The following GSAP variants were observed in gnomAD, a reference collection of about 807,000 sequenced individuals.
GSAP encodes the protein gamma-secretase-activating protein.
In GSAP, 118 loss-of-function variants were observed where a neutral mutation model predicts 131.7. That is an observed-to-expected ratio of 0.90 (90% confidence interval 0.77 to 1.04). The LOEUF is 1.04. Among genes scored for constraint, GSAP ranks in the 50% least tolerant of loss-of-function variants. GSAP has a pLI of 0.00. For missense variants in GSAP, 1,019 were observed against 1,013.2 expected, an observed-to-expected ratio of 1.01 and a Z score of -0.08; for synonymous variants, 381 against 363.4, an observed-to-expected ratio of 1.05 and a Z score of -0.55.
chr7:77,342,611 C>G lies in GSAP; in HGVS notation c.1545+6740G>C, dbSNP rs549007267. Among the ~76,000 whole-genome samples the G allele has an allele frequency of 1.9e-4, 29 of 152,260 alleles. No homozygotes were observed. The South Asian group carries it at 4.1e-3, about 22-fold the overall frequency. ...CAAGTATAGGACATCTCTACTCCCC[C>G]CTTGGCGACCAATCATGCACCCCTT... On this transcript the variant is annotated intron_variant, in intron 19 of 30. Coordinates refer to ENST00000257626, the MANE Select transcript of GSAP (RefSeq NM_017439.4).
At chr7:77,320,025 C>CACGTT (rs75081002) in intron 26 of GSAP, among the ~76,000 whole-genome samples, 40 of 151,536 alleles carry the variant, frequency 2.6e-4, no homozygotes, top group African/African-American at 9.7e-4. Flanking sequence ...GGGTAGGTCT[C>CACGTT]AAGTGTTCTT....
chr7:77,322,210 T>C (rs939125152), intron 24 of GSAP, among the ~76,000 whole-genome samples: 2 of 152,222 alleles, frequency 1.3e-5, no homozygotes, highest in Non-Finnish European at 2.9e-5. Context: ...TAAGTTAACA[T>C]GTAACCAATA....
intron 24 of GSAP, among the ~76,000 whole-genome samples, chr7:77,321,623 G>T (rs924016473): frequency 6.6e-6 from 1 of 152,196 alleles, no homozygotes; most frequent in Admixed American, 6.5e-5. Flanking sequence ...CTCTGTTTGT[G>T]TGGGCAGTGC....
chr7:77,375,449 G>A (rs1006422420), intron 10 of GSAP, among the ~76,000 whole-genome samples: 18 of 152,214 alleles, frequency 1.2e-4, no homozygotes, highest in African/African-American at 4.3e-4. Context: ...AAGGAAGGAA[G>A]GAAGGCCTGG....
At chr7:77,369,381 C>T (rs1041315238) in intron 12 of GSAP, among the ~76,000 whole-genome samples, 9 of 152,200 alleles carry the variant, frequency 5.9e-5, no homozygotes, top group African/African-American at 2.2e-4. Flanking sequence ...GGCAGCAGCA[C>T]TTTTGCCCAC....
intron 1 of GSAP, among the ~76,000 whole-genome samples, chr7:77,410,973 T>C (rs1156601051): frequency 2.6e-5 from 4 of 151,664 alleles, no homozygotes; most frequent in Admixed American, 6.6e-5. Flanking sequence ...CAGTAAACAT[T>C]ATGTGATTTA....
At chr7:77,318,591 C>T (rs1473974949) in intron 26 of GSAP, among the ~76,000 whole-genome samples, 1 of 152,042 alleles carries the variant, frequency 6.6e-6, no homozygotes, top group Non-Finnish European at 1.5e-5. Context: ...TTCAAAAGCA[C>T]CAAGAACACA....
At chr7:77,375,435 G>C (rs1796701772) in intron 10 of GSAP, among the ~76,000 whole-genome samples, 2 of 152,238 alleles carry the variant, frequency 1.3e-5, no homozygotes. Flanking sequence ...ATAGATGACT[G>C]AGTAAGGAAG....
intron 11 of GSAP, 42 bp downstream of exon 11, chr7:77,375,016 C>T (rs773014771): frequency 4.3e-6 from 4 of 925,756 alleles, no homozygotes; most frequent in Non-Finnish European, 5.2e-6. Context: ...ATTTTGCCCA[C>T]AAGTATCTAT....
chr7:77,390,189 T>C (rs973704550), intron 5 of GSAP, among the ~76,000 whole-genome samples: 4 of 152,186 alleles, frequency 2.6e-5, no homozygotes, highest in African/African-American at 4.8e-5. Context: ...TATTAGCCCT[T>C]TGTCAGATGA....
At chr7:77,327,971 A>C (rs984126002) in intron 22 of GSAP, among the ~76,000 whole-genome samples, 2 of 152,220 alleles carry the variant, frequency 1.3e-5, no homozygotes, top group African/African-American at 4.8e-5. Context: ...CTCATGTGCT[A>C]AGCACTATGT....
Position 77,377,400 on chromosome 7 carries a change from C to CAAAAAAAAAAAAAAAA in GSAP, c.577-26_577-11dup. 2.5e-6 allele frequency: 3 copies of CAAAAAAAAAAAAAAAA among 1,182,870 alleles called. No individual in the cohort carries two copies. The highest frequency in any genetic ancestry group is 6.9e-5 in the Admixed American group (2 of 29,006). 73.3% of individuals were successfully genotyped at this position (1,182,870 alleles called of 1,614,324 possible). ...CAGAATTTTTAATCACCTAAAAATG[C>CAAAAAAAAAAAAAAAA]AAAAAAAAAAAAAAAAAAAAAAGTA... On this transcript the variant is annotated splice_polypyrimidine_tract_variant and intron_variant, in intron 8 of 30. Transcript: ENST00000257626.
At chr7:77,398,877 TAC>T (rs1054248193) in intron 3 of GSAP, among the ~76,000 whole-genome samples, 1 of 152,360 alleles carries the variant, frequency 6.6e-6, no homozygotes, top group Admixed American at 6.5e-5. Flanking sequence ...GCACTTATAT[TAC>T]ACAGTTACAT....
intron 5 of GSAP, among the ~76,000 whole-genome samples, chr7:77,392,588 C>T (rs1292486865): frequency 1.3e-5 from 2 of 152,066 alleles, no homozygotes; most frequent in Non-Finnish European, 1.5e-5. Context: ...GAGACCATCA[C>T]TGAAGGGGAA....
At chr7:77,359,133 G>A (rs751819682) in intron 14 of GSAP, among the ~76,000 whole-genome samples, 25 of 152,196 alleles carry the variant, frequency 1.6e-4, no homozygotes, top group African/African-American at 2.2e-4. Context: ...CCCCGGAGGC[G>A]GAAGTTACAG....
At position 77,311,441 on chromosome 7, in the gene GSAP, G is replaced by A. The variant is rs771727810; in HGVS notation, c.2482C>T (p.Pro828Ser). The change falls in exon 31 of 31, where the codon CCT (proline) becomes TCT (serine). Residue 828 changes from proline (P) to serine (S), a missense_variant. Physicochemically the swap from Pro to Ser is moderately conservative, Grantham distance 74 (BLOSUM62 -1). Transcript: ENST00000257626. ...DIESSNQALY[P>S]FEGHDNVDAE... is the part of the protein sequence containing the mutation. ...TCCACATTGTCATGTCCTTCAAAAG[G>A]ATACAGGGCTGGAAAAAAATGGGGA... 35 of 1,604,402 alleles carry A rather than the reference G, an allele frequency of 2.2e-5. No individual in the cohort carries two copies. Among genetic ancestry groups the A allele is most frequent in the Non-Finnish European group, 2.9e-5 (34 of 1,171,766 alleles).
intron 19 of GSAP, among the ~76,000 whole-genome samples, chr7:77,341,887 T>A (rs1790977407): frequency 6.6e-6 from 1 of 152,068 alleles, no homozygotes; most frequent in African/African-American, 2.4e-5. Flanking sequence ...CCCAGCCACA[T>A]CTCCAGCACA....
chr7:77,311,300 A>G lies in GSAP; in HGVS notation c.*58T>C. ...AATATTGTTAAAGAATTCTCAAAGG[A>G]GTAAGGTTAATGAGCAAGATTAAAA... On this transcript the variant is annotated 3_prime_UTR_variant, in exon 31 of 31. Transcript: ENST00000257626. 3 of 950,540 alleles carry G rather than the reference A, an allele frequency of 3.2e-6. No individual in the cohort carries two copies. Among genetic ancestry groups the G allele is most frequent in the Non-Finnish European group, 5.2e-6 (3 of 581,338 alleles). The allele number at this position is 950,540 out of a possible 1,614,324, so 58.9% of individuals were successfully genotyped here.
intron 5 of GSAP, among the ~76,000 whole-genome samples, chr7:77,393,996 G>A (rs1441693589): frequency 1.3e-5 from 2 of 152,076 alleles, no homozygotes; most frequent in African/African-American, 2.4e-5. Context: ...TTGACAAGTC[G>A]ATCTTTTGAA....
Sources: gnomAD v4.1 joint callset for allele counts (sites outside exome capture counted in the v4.1 genomes callset) on GRCh38, gnomAD v4.1.1 for gene constraint, MANE v1.5 for transcripts, NCBI Gene and HGNC (gene_info 2026-07-23, HGNC 2026-07-21) for gene names.